MICAL2: variants seen among roughly 807,000 people sequenced by gnomAD.
The protein encoded by MICAL2 is [F-actin]-monooxygenase MICAL2.
In MICAL2, 77 loss-of-function variants were observed where a neutral mutation model predicts 127.3. The observed-to-expected ratio is 0.60, with a 90% CI of 0.50 to 0.73. The LOEUF is 0.73. Among genes scored for constraint, MICAL2 ranks in the 30% least tolerant of loss-of-function variants. The pLI, the probability that MICAL2 is intolerant of heterozygous loss-of-function variation, is 0.00. For missense variants in MICAL2, 1,351 were observed against 1,434.4 expected (o/e 0.94, Z 0.94); for synonymous variants, 570 against 551.1 (o/e 1.03, Z -0.48).
intron 15 of MICAL2, among the ~76,000 whole-genome samples, chr11:12,235,199 G>C (rs1356061380): frequency 6.6e-6 from 1 of 152,162 alleles, no homozygotes; most frequent in East Asian, 1.9e-4. Flanking sequence ...GTACGGAGGA[G>C]GTACTAAATT....
At chr11:12,217,122 C>G (rs1856268131) in intron 8 of MICAL2, among the ~76,000 whole-genome samples, 1 of 152,152 alleles carries the variant, frequency 6.6e-6, no homozygotes, top group South Asian at 2.1e-4. Context: ...AGGTGTACAA[C>G]CCTTCCAGAG....
chr11:12,250,536 G>A (rs553466680), intron 22 of MICAL2, among the ~76,000 whole-genome samples: 20 of 152,334 alleles, frequency 1.3e-4, no homozygotes, highest in Middle Eastern at 3.4e-3. Flanking sequence ...GGGAAATGGC[G>A]TATGTGAGGT....
chr11:12,231,469 C>A (rs1322995545), intron 15 of MICAL2, among the ~76,000 whole-genome samples: 1 of 152,226 alleles, frequency 6.6e-6, no homozygotes, highest in Non-Finnish European at 1.5e-5. Context: ...CCTGAGCCAC[C>A]TGCACACTTT....
rs1857447093 is a variant in MICAL2 at position 12,226,356 on chromosome 11, C to G, written c.1874C>G (p.Pro625Arg). The G allele has an allele frequency of 3.1e-6, 5 of 1,613,932 alleles. No homozygotes were observed. Among genetic ancestry groups the G allele is most frequent in the Non-Finnish European group, 4.2e-6 (5 of 1,179,974 alleles). Reference sequence around the variant, plus strand: ...TTCTACGAGCTCTTCCGGGGCACCCCACTGAGGCCCGTGGGTAAGCACCTG... The same window carrying G: ...TTCTACGAGCTCTTCCGGGGCACCCGACTGAGGCCCGTGGGTAAGCACCTG... Reference protein sequence around the residue: ...SKFYELFRGTPLRPVDSWRKN... With the variant: ...SKFYELFRGTRLRPVDSWRKN... Residue 625 changes from proline to arginine, a missense_variant, in exon 14 of 28, where the codon CCA becomes CGA. Physicochemically the swap from Pro to Arg is moderately radical, Grantham distance 103. This residue lies in a region of MICAL2 where 752 missense variants were observed against 719.4 expected (regional missense o/e 1.05). Transcript: ENST00000683283.
At chr11:12,193,354 C>G (rs1208546450) in intron 3 of MICAL2, among the ~76,000 whole-genome samples, 3 of 152,240 alleles carry the variant, frequency 2.0e-5, no homozygotes, top group Non-Finnish European at 4.4e-5. Flanking sequence ...TAAGTAATCT[C>G]TCCCTTGTTG....
intron 2 of MICAL2, among the ~76,000 whole-genome samples, chr11:12,283,408 T>C (rs1321130440): frequency 6.7e-6 from 1 of 149,318 alleles, no homozygotes; most frequent in Non-Finnish European, 1.5e-5. Flanking sequence ...TTATTCACAT[T>C]AGCCAAAAGG....
intron 2 of MICAL2, among the ~76,000 whole-genome samples, chr11:12,154,752 T>C (rs1853977290): frequency 6.6e-6 from 1 of 152,342 alleles, no homozygotes; most frequent in East Asian, 1.9e-4. Flanking sequence ...CCATGACTTA[T>C]AAGACCATGC....
rs1426814746 is a variant in MICAL2 at position 12,174,066 on chromosome 11, AT to A, written c.264+11650del. 3.3e-5 allele frequency among the ~76,000 whole-genome samples: 5 copies of A among 152,266 alleles called. No individual in the cohort carries two copies. The South Asian group carries it at 6.2e-4, about 19-fold the overall frequency. On this transcript the variant is annotated intron_variant, in intron 3 of 27. Transcript: ENST00000683283. Reference sequence around the variant, plus strand: ...TTTTAGTCAGAAATACTTAATCTGTATTTAAATTTTATAAAACTTACAGTTG... The same window carrying A: ...TTTTAGTCAGAAATACTTAATCTGTATTAAATTTTATAAAACTTACAGTTG...
chr11:12,175,646 G>T (rs1856759758), intron 3 of MICAL2, among the ~76,000 whole-genome samples: 1 of 151,938 alleles, frequency 6.6e-6, no homozygotes, highest in African/African-American at 2.4e-5. Context: ...ATACAGCAGG[G>T]CAGGGAGAGG....
intron 15 of MICAL2, among the ~76,000 whole-genome samples, chr11:12,228,710 G>T (rs1857808410): frequency 6.6e-6 from 1 of 152,212 alleles, no homozygotes; most frequent in Admixed American, 6.5e-5. Flanking sequence ...GCTTCTACGG[G>T]ATGGGCCCTG....
intron 22 of MICAL2, 159 bp from the exon 23 acceptor site, chr11:12,255,484 C>T (rs1862200644): frequency 1.4e-5 from 9 of 625,190 alleles, no homozygotes; most frequent in South Asian, 3.9e-5. Flanking sequence ...AGAATCCCCG[C>T]GTTCTGCTCC....
intron 3 of MICAL2, among the ~76,000 whole-genome samples, chr11:12,180,335 G>GTGTATATATATATATATATATATATA (rs140219557): frequency 7.9e-6 from 1 of 126,390 alleles, no homozygotes; most frequent in African/African-American, 3.4e-5. Flanking sequence ...TTATATACAT[G>GTGTATATATATATATATATATATATA]TATATATGTA....
In MICAL2 at chr11:12,259,949, C is replaced by T. The variant is rs757470970; in HGVS notation, c.3334+52C>T. The T allele has an allele frequency of 4.1e-5, 66 of 1,594,030 alleles. No individual in the cohort carries two copies. The South Asian group carries it at 6.1e-4, about 15-fold the overall frequency. On this transcript the variant is annotated intron_variant, in intron 26 of 27. Coordinates refer to ENST00000683283, the MANE Select transcript of MICAL2 (RefSeq NM_001282663.2). ...GTGCTGGGCTGGCCCCTCAGGCTGC[C>T]GAGGGACCTGTGTAACTGGATGCAG...
At chr11:12,338,076 T>C (rs1442476981) in intron 32 of MICAL2, among the ~76,000 whole-genome samples, 1 of 152,190 alleles carries the variant, frequency 6.6e-6, no homozygotes. Context: ...CCATTATTAT[T>C]GTGTGGGAGT....
chr11:12,252,468 G>C (rs1379504991), intron 22 of MICAL2: 4 of 152,278 alleles, frequency 2.6e-5, no homozygotes, highest in Non-Finnish European at 5.9e-5. Context: ...CTGCATCCAT[G>C]TCCTCTGCAG....
chr11:12,151,371 A>T (rs1303006665), intron 2 of MICAL2, among the ~76,000 whole-genome samples: 3 of 152,124 alleles, frequency 2.0e-5, no homozygotes, highest in African/African-American at 7.2e-5. Flanking sequence ...ACAGTCGGGT[A>T]AGAGACATCT....
At chr11:12,296,976 A>T (rs1287614028), downstream of MICAL2, among the ~76,000 whole-genome samples, 2 of 152,102 alleles carry the variant, frequency 1.3e-5, no homozygotes, top group Non-Finnish European at 2.9e-5. Flanking sequence ...AAGTTATTTC[A>T]AATCTTTGGC....
At chr11:12,350,730 C>G (rs1019677621) in intron 33 of MICAL2, among the ~76,000 whole-genome samples, 12 of 152,140 alleles carry the variant, frequency 7.9e-5, no homozygotes, top group Non-Finnish European at 1.3e-4. Context: ...ATGATAATGG[C>G]TTGTACCTGG....
chr11:12,173,922 T>C (rs534122578), intron 3 of MICAL2, among the ~76,000 whole-genome samples: 14 of 152,322 alleles, frequency 9.2e-5, no homozygotes, highest in African/African-American at 1.7e-4. Context: ...TATATCCAAA[T>C]TATTATTATT....
Sources: allele counts gnomAD v4.1 joint callset (sites outside exome capture counted in the v4.1 genomes callset), GRCh38; gene constraint gnomAD v4.1.1; regional missense constraint gnomAD v4.1.1; transcripts MANE v1.5; gene names NCBI Gene and HGNC (gene_info 2026-07-23, HGNC 2026-07-21).